Variants in MARCKSL1 observed in about 807,000 individuals in gnomAD.
MARCKSL1 encodes MARCKS-related protein.
MARCKSL1 carries 5 observed loss-of-function variants against 13.3 expected under a neutral mutation model. The ratio of observed to expected loss-of-function variants is 0.38; its 90% CI spans 0.20 to 0.79. The LOEUF (loss-of-function observed/expected upper bound fraction) is 0.79, where lower values mean the gene tolerates loss of function less well. Ranked by LOEUF, MARCKSL1 falls within the 30% of genes least tolerant of loss-of-function variation. MARCKSL1 has a pLI of 0.45. For synonymous variants in MARCKSL1, 126 were observed against 103.2 expected, an observed-to-expected ratio of 1.22 and a Z score of -1.34; for missense variants, 274 against 251.6, an observed-to-expected ratio of 1.09 and a Z score of -0.60.
At position 32,335,798 on chromosome 1, in the gene MARCKSL1, C is replaced by A; in HGVS notation, c.87+149G>T. The A allele has an allele frequency of 3.4e-6, 1 of 293,192 alleles. No homozygotes were observed. The highest frequency in any genetic ancestry group is 6.0e-6 in the Non-Finnish European group (1 of 167,230). The allele number at this position is 293,192 out of a possible 1,614,324, so 18.2% of individuals were successfully genotyped here. A position where few individuals can be genotyped will look rare whatever the true frequency, so the allele number is the denominator to read the frequency against. On this transcript the variant is annotated intron_variant, in intron 1 of 1. Transcript: ENST00000329421. This position sits in a 1 kb window ranked among gnomAD's most constrained non-coding sequence, Gnocchi z 4.1. ...CCCCTCGCTTCGCCCGCGGGGGCTG[C>A]GGCGCCGAGAACAAAGGGACCGGGC...
In MARCKSL1 at chr1:32,335,266, C is replaced by T. The variant is rs925393006; in HGVS notation, c.88-169G>A. ...CGTCAAACACCTCCCTCTCGCCCCT[C>T]ACGGGCGCGCGGGGAGCGAGCGCGC... On this transcript the variant is annotated intron_variant, in intron 1 of 1. Transcript: ENST00000329421. The surrounding 1 kb of genome is among the most constrained non-coding windows in gnomAD (Gnocchi z 4.1). Among the ~76,000 whole-genome samples the T allele has an allele frequency of 3.3e-5, 5 of 152,182 alleles. No individual in the cohort carries two copies. The highest frequency in any genetic ancestry group is 1.2e-4 in the African/African-American group (5 of 41,466).
rs1235153433 is a variant in MARCKSL1 at position 32,334,764 on chromosome 1, G to C, written c.421C>G (p.Gln141Glu). 14 of 1,611,464 alleles carry C rather than the reference G, an allele frequency of 8.7e-6. No individual in the cohort carries two copies. The highest frequency in any genetic ancestry group is 1.7e-5 in the Admixed American group (1 of 59,954). The change falls in exon 2 of 2, where the codon CAG (glutamine) becomes GAG (glutamate). Residue 141 changes from glutamine to glutamate, a missense_variant. Coordinates refer to ENST00000329421, the MANE Select transcript of MARCKSL1 (RefSeq NM_023009.7). ...GGGGTGGCTGCGGCCTTCCCTTCCT[G>C]AGCAGTGCCCTCGTCGCTGCAGGCA... ...IGACSDEGTA[Q>E]EGKAAATPES...
rs1225533081 is a variant in MARCKSL1 at position 32,334,479 on chromosome 1, C to A, written c.*118G>T. On this transcript the variant is annotated 3_prime_UTR_variant, in exon 2 of 2. Coordinates refer to ENST00000329421, the MANE Select transcript of MARCKSL1 (RefSeq NM_023009.7). The stretch of plus-strand genomic sequence containing the variant: ...GAAAGGGAACGTGGCTGGGAGGAGG[C>A]AATAGCCCCTTCCTTTCTGGGCACA... 3 of 1,264,708 alleles carry A rather than the reference C, an allele frequency of 2.4e-6. No homozygotes were observed. The African/African-American group carries it at 4.6e-5, about 19-fold the overall frequency. The allele number at this position is 1,264,708 out of a possible 1,614,324, so 78.3% of individuals were successfully genotyped here. A position where few individuals can be genotyped will look rare whatever the true frequency, so the allele number is the denominator to read the frequency against.
Position 32,335,840 on chromosome 1 carries a change from C to T in MARCKSL1, c.87+107G>A. The T allele has an allele frequency of 2.0e-6, 1 of 493,180 alleles. No individual in the cohort carries two copies. The highest frequency in any genetic ancestry group is 2.0e-5 in the African/African-American group (1 of 49,374). 30.6% of individuals were successfully genotyped at this position (493,180 alleles called of 1,614,324 possible). ...GGACCGGGCGGGGGAGGGGGCGCCG[C>T]GTGTCCCGGGCCGGACAAAGCGCGC... On this transcript the variant is annotated intron_variant, in intron 1 of 1. Coordinates refer to ENST00000329421, the MANE Select transcript of MARCKSL1 (RefSeq NM_023009.7). The surrounding 1 kb of genome is among the most constrained non-coding windows in gnomAD (Gnocchi z 4.1).
At position 32,334,742 on chromosome 1, in the gene MARCKSL1, G is replaced by T. The variant is rs1240816777; in HGVS notation, c.443C>A (p.Thr148Asn). 2 of 1,611,918 alleles carry T rather than the reference G, an allele frequency of 1.2e-6. No individual in the cohort carries two copies. The highest frequency in any genetic ancestry group is 2.7e-5 in the African/African-American group (2 of 74,866). ...GTAQEGKAAA[T>N]PESQEPQAKG... ...GGCCTGGGGTTCCTGGCTCTCAGGG[G>T]TGGCTGCGGCCTTCCCTTCCTGAGC... Residue 148 changes from threonine to asparagine, a missense_variant, in exon 2 of 2, where the codon ACC becomes AAC. Physicochemically the swap from Thr to Asn is moderately conservative, Grantham distance 65 (BLOSUM62 0). Transcript: ENST00000329421.
Position 32,334,971 on chromosome 1 carries a change from G to A in MARCKSL1, c.214C>T (p.Gln72Ter), listed in dbSNP as rs1350687924. The change falls in exon 2 of 2, where the codon CAG (glutamine) becomes TAG (stop). Residue 72 changes from glutamine (Q) to a stop codon, truncating the protein, a stop_gained. Transcript: ENST00000329421. LOFTEE classifies it high-confidence loss of function. ...ACCTCCCCCTTGGCCTCAGCACCCTGGCTAGGGGGTGCTGGCTCGATGGCA... is the reference window on the plus strand; with the variant it reads ...ACCTCCCCCTTGGCCTCAGCACCCTAGCTAGGGGGTGCTGGCTCGATGGCA... ...GDAIEPAPPS[Q>*]GAEAKGEVPP... The A allele has an allele frequency of 6.2e-7, 1 of 1,612,126 alleles. No homozygotes were observed. Among genetic ancestry groups the A allele is most frequent in the Non-Finnish European group, 8.5e-7 (1 of 1,179,446 alleles).
rs1306237856 is a variant in MARCKSL1 at position 32,335,429 on chromosome 1, A to G, written c.88-332T>C. Reference sequence around the variant, plus strand: ...GCAGGCGGGCGAGCCGCTCTAGGCGACATTGGGCGGGAAGCCGCCCCGGGG... The same window carrying G: ...GCAGGCGGGCGAGCCGCTCTAGGCGGCATTGGGCGGGAAGCCGCCCCGGGG... On this transcript the variant is annotated intron_variant, in intron 1 of 1. Transcript: ENST00000329421. The surrounding 1 kb of genome is among the most constrained non-coding windows in gnomAD (Gnocchi z 4.1). 6.6e-6 allele frequency among the ~76,000 whole-genome samples: 1 copy of G among 150,622 alleles called. No homozygotes were observed. The highest frequency in any genetic ancestry group is 1.5e-5 in the Non-Finnish European group (1 of 67,696).
At position 32,335,878 on chromosome 1, in the gene MARCKSL1, G is replaced by T; in HGVS notation, c.87+69C>A. ...GGACAAAGCGCGCGGCCCCGGCCCCGGCCCCGGGCCCTAGAAGGGGCGAGG... is the reference window on the plus strand; with the variant it reads ...GGACAAAGCGCGCGGCCCCGGCCCCTGCCCCGGGCCCTAGAAGGGGCGAGG... On this transcript the variant is annotated intron_variant, in intron 1 of 1. Transcript: ENST00000329421. This position sits in a 1 kb window ranked among gnomAD's most constrained non-coding sequence, Gnocchi z 4.1. The T allele has an allele frequency of 1.0e-6, 1 of 955,008 alleles. No homozygotes were observed. The highest frequency in any genetic ancestry group is 1.4e-6 in the Non-Finnish European group (1 of 737,006). The allele number at this position is 955,008 out of a possible 1,614,324, so 59.2% of individuals were successfully genotyped here. A position where few individuals can be genotyped will look rare whatever the true frequency, so the allele number is the denominator to read the frequency against.
Position 32,335,108 on chromosome 1 carries a change from G to C in MARCKSL1, c.88-11C>G. ...CACGTGGCCATTCTCCTGCAGGGCA[G>C]AGGGAATAGCAATGAGGGCAGGGGC... is the stretch of plus-strand genomic sequence containing the variant. On this transcript the variant is annotated splice_polypyrimidine_tract_variant and intron_variant, in intron 1 of 1. Transcript: ENST00000329421. This position sits in a 1 kb window ranked among gnomAD's most constrained non-coding sequence, Gnocchi z 4.1. The C allele has an allele frequency of 6.6e-7, 1 of 1,519,380 alleles. No individual in the cohort carries two copies. 94.1% of individuals were successfully genotyped at this position (1,519,380 alleles called of 1,614,324 possible). A position where few individuals can be genotyped will look rare whatever the true frequency, so the allele number is the denominator to read the frequency against.
In MARCKSL1 at chr1:32,335,574, G is replaced by C. The variant is rs1641376424; in HGVS notation, c.87+373C>G. Among the ~76,000 whole-genome samples the C allele has an allele frequency of 6.6e-6, 1 of 151,608 alleles. No individual in the cohort carries two copies. The highest frequency in any genetic ancestry group is 1.5e-5 in the Non-Finnish European group (1 of 67,758). ...CCCCTTAAAAAAAAAAAGACCGTGGGCCACCGAGGTCGGGTCGGCGGGTGG... is the reference window on the plus strand; with the variant it reads ...CCCCTTAAAAAAAAAAAGACCGTGGCCCACCGAGGTCGGGTCGGCGGGTGG... On this transcript the variant is annotated intron_variant, in intron 1 of 1. Coordinates refer to ENST00000329421, the MANE Select transcript of MARCKSL1 (RefSeq NM_023009.7). The surrounding 1 kb of genome is among the most constrained non-coding windows in gnomAD (Gnocchi z 4.1).
Position 32,334,310 on chromosome 1 carries a change from G to C in MARCKSL1, c.*287C>G. On this transcript the variant is annotated 3_prime_UTR_variant, in exon 2 of 2. Transcript: ENST00000329421. ...AAACCAACAACTGCCTTATGCAGGG[G>C]TGGGGACAGGGAAGGAGGTAGGGCC... is the stretch of plus-strand genomic sequence containing the variant. 1 of 336,392 alleles carries C rather than the reference G, an allele frequency of 3.0e-6. No homozygotes were observed. The allele number at this position is 336,392 out of a possible 1,614,324, so 20.8% of individuals were successfully genotyped here.
Position 32,334,571 on chromosome 1 carries a change from G to C in MARCKSL1, c.*26C>G. The C allele has an allele frequency of 6.6e-7, 1 of 1,515,192 alleles. No individual in the cohort carries two copies. Among genetic ancestry groups the C allele is most frequent in the Non-Finnish European group, 8.8e-7 (1 of 1,132,622 alleles). The allele number at this position is 1,515,192 out of a possible 1,614,324, so 93.9% of individuals were successfully genotyped here. Reference sequence around the variant, plus strand: ...AGGACAGCACAGTTTTTGCAGCTTAGAGATCACCCACCTGCCCCTACCTAG... The same window carrying C: ...AGGACAGCACAGTTTTTGCAGCTTACAGATCACCCACCTGCCCCTACCTAG... On this transcript the variant is annotated 3_prime_UTR_variant, in exon 2 of 2. Coordinates refer to ENST00000329421, the MANE Select transcript of MARCKSL1 (RefSeq NM_023009.7).
Position 32,335,554 on chromosome 1 carries a change from T to TA in MARCKSL1, c.87+392dup, listed in dbSNP as rs1284144780. ...GCTCTCCCGCATCTCGGCTCCCCCT[T>TA]AAAAAAAAAAAGACCGTGGGCCACC... On this transcript the variant is annotated intron_variant, in intron 1 of 1. Coordinates refer to ENST00000329421, the MANE Select transcript of MARCKSL1 (RefSeq NM_023009.7). The surrounding 1 kb of genome is among the most constrained non-coding windows in gnomAD (Gnocchi z 4.1). 5.9e-4 allele frequency among the ~76,000 whole-genome samples: 85 copies of TA among 143,096 alleles called. No homozygotes were observed. Among genetic ancestry groups the TA allele is most frequent in the South Asian group, 8.9e-4 (4 of 4,470 alleles). 93.9% of individuals were successfully genotyped at this position (143,096 alleles called of 152,430 possible). A position where few individuals can be genotyped will look rare whatever the true frequency, so the allele number is the denominator to read the frequency against.
In MARCKSL1 at chr1:32,334,636, C is replaced by G; in HGVS notation, c.549G>C (p.Glu183Asp). 1 of 1,595,734 alleles carries G rather than the reference C, an allele frequency of 6.3e-7. No individual in the cohort carries two copies. The highest frequency in any genetic ancestry group is 8.5e-7 in the Non-Finnish European group (1 of 1,171,100). The change falls in exon 2 of 2, where the codon GAG (glutamate) becomes GAC (aspartate). Residue 183 changes from glutamate (E) to aspartate (D), a missense_variant. Glu to Asp is a conservative substitution (Grantham distance 45, BLOSUM62 2). Transcript: ENST00000329421. ...ATEPSTPSGP[E>D]SGPTPASAEQ... Reference sequence around the variant, plus strand: ...CAGCGCTGGCTGGTGTAGGGCCACTCTCCGGCCCCGAGGGAGTGGATGGCT... The same window carrying G: ...CAGCGCTGGCTGGTGTAGGGCCACTGTCCGGCCCCGAGGGAGTGGATGGCT...
chr1:32,335,232 C>A lies in MARCKSL1; in HGVS notation c.88-135G>T. The stretch of plus-strand genomic sequence containing the variant: ...AGTCTGGCTTCAGCCTCACCCACAC[C>A]CAGGATCCCGTCAAACACCTCCCTC... On this transcript the variant is annotated intron_variant, in intron 1 of 1. Transcript: ENST00000329421. The surrounding 1 kb of genome is among the most constrained non-coding windows in gnomAD (Gnocchi z 4.1). 9 of 1,000,044 alleles carry A rather than the reference C, an allele frequency of 9.0e-6. No individual in the cohort carries two copies. Among genetic ancestry groups the A allele is most frequent in the Non-Finnish European group, 1.2e-5 (9 of 754,472 alleles). The allele number at this position is 1,000,044 out of a possible 1,614,324, so 61.9% of individuals were successfully genotyped here.
In MARCKSL1 at chr1:32,335,351, G is replaced by A. The variant is rs897789345; in HGVS notation, c.88-254C>T. Reference sequence around the variant, plus strand: ...GTGGCCCCCACCCCCGTCCCCCGGGGCGCGCTCTCTATTCCGCGCGGAACC... The same window carrying A: ...GTGGCCCCCACCCCCGTCCCCCGGGACGCGCTCTCTATTCCGCGCGGAACC... On this transcript the variant is annotated intron_variant, in intron 1 of 1. Transcript: ENST00000329421. The surrounding 1 kb of genome is among the most constrained non-coding windows in gnomAD (Gnocchi z 4.1). Among the ~76,000 whole-genome samples the A allele has an allele frequency of 2.6e-5, 4 of 151,480 alleles. No individual in the cohort carries two copies. Among genetic ancestry groups the A allele is most frequent in the African/African-American group, 9.7e-5 (4 of 41,316 alleles).
chr1:32,335,468 C>T lies in MARCKSL1; in HGVS notation c.88-371G>A, dbSNP rs990282072. On this transcript the variant is annotated intron_variant, in intron 1 of 1. Transcript: ENST00000329421. The surrounding 1 kb of genome is among the most constrained non-coding windows in gnomAD (Gnocchi z 4.1). Reference sequence around the variant, plus strand: ...GCCGCCCCGGGGCGCTGTCTCTCTGCACCTGGACGGCCTATTTTCCCAGCC... The same window carrying T: ...GCCGCCCCGGGGCGCTGTCTCTCTGTACCTGGACGGCCTATTTTCCCAGCC... Among the ~76,000 whole-genome samples, 3 of 151,552 alleles carry T rather than the reference C, an allele frequency of 2.0e-5. No homozygotes were observed. Among genetic ancestry groups the T allele is most frequent in the African/African-American group, 7.3e-5 (3 of 41,300 alleles).
Position 32,334,576 on chromosome 1 carries a change from C to T in MARCKSL1, c.*21G>A, listed in dbSNP as rs565728830. The T allele has an allele frequency of 7.3e-6, 11 of 1,516,802 alleles. No homozygotes were observed. The highest frequency in any genetic ancestry group is 8.8e-6 in the Non-Finnish European group (10 of 1,133,254). The allele number at this position is 1,516,802 out of a possible 1,614,324, so 94.0% of individuals were successfully genotyped here. A position where few individuals can be genotyped will look rare whatever the true frequency, so the allele number is the denominator to read the frequency against. On this transcript the variant is annotated 3_prime_UTR_variant, in exon 2 of 2. Transcript: ENST00000329421. ...AGCACAGTTTTTGCAGCTTAGAGAT[C>T]ACCCACCTGCCCCTACCTAGCTACT... is the stretch of plus-strand genomic sequence containing the variant.
rs573723340 is a variant in MARCKSL1 at position 32,335,162 on chromosome 1, C to T, written c.88-65G>A. 2.1e-6 allele frequency: 3 copies of T among 1,428,906 alleles called. No individual in the cohort carries two copies. Among genetic ancestry groups the T allele is most frequent in the African/African-American group, 2.9e-5 (2 of 69,430 alleles). 88.5% of individuals were successfully genotyped at this position (1,428,906 alleles called of 1,614,324 possible). A position where few individuals can be genotyped will look rare whatever the true frequency, so the allele number is the denominator to read the frequency against. On this transcript the variant is annotated intron_variant, in intron 1 of 1. Transcript: ENST00000329421. This position sits in a 1 kb window ranked among gnomAD's most constrained non-coding sequence, Gnocchi z 4.1. ...CCCTCCCCCAGCCCGCTTCTGATCC[C>T]TTCTAGAGGAAGGGGTCCTCGATTC...
Sources: allele counts gnomAD v4.1 joint callset (sites outside exome capture counted in the v4.1 genomes callset), GRCh38; gene constraint gnomAD v4.1.1; non-coding constraint Gnocchi (gnomAD v3.1); transcripts MANE v1.5; gene names NCBI Gene and HGNC (gene_info 2026-07-23, HGNC 2026-07-21).